MIPOL1: variants seen among roughly 807,000 people sequenced by gnomAD.
MIPOL1 encodes the protein mirror-image polydactyly 1.
A neutral mutation model predicts 60.9 loss-of-function variants in MIPOL1; 57 were observed. The ratio of observed to expected loss-of-function variants is 0.94; its 90% CI spans 0.76 to 1.17. The LOEUF (loss-of-function observed/expected upper bound fraction) is 1.17. MIPOL1 is among the 50% of genes most tolerant of loss of function. The probability of loss-of-function intolerance (pLI) is 0.00; values close to 1 mark genes in which losing one functional copy is unlikely to be tolerated. For missense variants in MIPOL1, 551 were observed against 511.6 expected, an observed-to-expected ratio of 1.08 and a Z score of -0.74; for synonymous variants, 179 against 168.8, an observed-to-expected ratio of 1.06 and a Z score of -0.47.
chr14:37,279,867 G>A (rs1487924718), intron 6 of MIPOL1, among the ~76,000 whole-genome samples: 1 of 152,036 alleles, frequency 6.6e-6, no homozygotes, highest in East Asian at 1.9e-4. Context: ...ACCTTGATGT[G>A]TAATAGATCA....
At chr14:37,325,400 ATTTC>A (rs2153449867) in intron 9 of MIPOL1, among the ~76,000 whole-genome samples, 1 of 152,106 alleles carries the variant, frequency 6.6e-6, no homozygotes, top group East Asian at 1.9e-4. Context: ...AATTCACTTT[ATTTC>A]TTTATGTAGG....
chr14:37,342,608 G>A (rs1361235802), intron 9 of MIPOL1, among the ~76,000 whole-genome samples: 1 of 151,974 alleles, frequency 6.6e-6, no homozygotes, highest in Non-Finnish European at 1.5e-5. Context: ...ATGTTGGTCA[G>A]GCTGGTCTCG....
intron 10 of MIPOL1, among the ~76,000 whole-genome samples, chr14:37,390,468 C>G (rs1008328409): frequency 4.6e-5 from 7 of 151,714 alleles, no homozygotes; most frequent in African/African-American, 1.7e-4. Flanking sequence ...GTTGTATAAA[C>G]TGACTTAAAG....
intron 9 of MIPOL1, among the ~76,000 whole-genome samples, chr14:37,337,760 C>A (rs1723731729): frequency 1.3e-5 from 2 of 151,928 alleles, no homozygotes; most frequent in Non-Finnish European, 2.9e-5. Flanking sequence ...TGTAAGAGTT[C>A]TTTATATATT....
chr14:37,342,132 C>T (rs912182931), intron 9 of MIPOL1, among the ~76,000 whole-genome samples: 1 of 151,920 alleles, frequency 6.6e-6, no homozygotes, highest in Non-Finnish European at 1.5e-5. Context: ...GAGGCCAAGG[C>T]GGGTGAATCA....
chr14:37,287,691 A>G (rs1486199044), intron 7 of MIPOL1, among the ~76,000 whole-genome samples: 7 of 152,236 alleles, frequency 4.6e-5, no homozygotes, highest in Non-Finnish European at 1.0e-4. Context: ...TCAATAAGCT[A>G]TATTAATTTT....
chr14:37,494,195 A>G (rs2095084910), intron 11 of MIPOL1, among the ~76,000 whole-genome samples: 1 of 152,192 alleles, frequency 6.6e-6, no homozygotes, highest in Admixed American at 6.6e-5. Flanking sequence ...GAAGTTCTTA[A>G]GGAATGTATT....
chr14:37,374,168 G>T (rs188741958), intron 10 of MIPOL1, among the ~76,000 whole-genome samples: 242 of 152,208 alleles, frequency 1.6e-3, no homozygotes, highest in Admixed American at 2.4e-3. Flanking sequence ...TTTGTTGGCT[G>T]CATAAATGTC....
At chr14:37,544,089 CTA>C (rs1336872946) in intron 12 of MIPOL1, among the ~76,000 whole-genome samples, 2 of 152,040 alleles carry the variant, frequency 1.3e-5, no homozygotes, top group Non-Finnish European at 2.9e-5. Flanking sequence ...ATAAGTGAGT[CTA>C]AAACTCAGAA....
chr14:37,410,796 G>A (rs912927785), intron 10 of MIPOL1, among the ~76,000 whole-genome samples: 8 of 151,852 alleles, frequency 5.3e-5, no homozygotes, highest in African/African-American at 1.9e-4. Context: ...TAATTTCTGA[G>A]GTAACCGTTA....
At chr14:37,420,370 A>C (rs2093850266) in intron 10 of MIPOL1, among the ~76,000 whole-genome samples, 1 of 152,084 alleles carries the variant, frequency 6.6e-6, no homozygotes, top group African/African-American at 2.4e-5. Context: ...GCAAGTATAC[A>C]CGTAAATGAA....
intron 10 of MIPOL1, among the ~76,000 whole-genome samples, chr14:37,372,418 CATTTA>C: frequency 6.6e-6 from 1 of 151,998 alleles, no homozygotes; most frequent in African/African-American, 2.4e-5. Context: ...TTTTGGTGAT[CATTTA>C]TAAGCATTCT....
intron 11 of MIPOL1, among the ~76,000 whole-genome samples, chr14:37,430,001 C>T (rs1410269176): frequency 2.6e-5 from 4 of 152,086 alleles, no homozygotes; most frequent in Non-Finnish European, 5.9e-5. Flanking sequence ...TGGGGTTGAA[C>T]ACTCAATCCT....
rs987004910 is a variant in MIPOL1 at position 37,548,276 on chromosome 14, A to G, written c.*1305A>G. ...TTATTGTACCATTCTTTCATATACC[A>G]TAGCAGATTATCCATTTCAATTTTT... On this transcript the variant is annotated 3_prime_UTR_variant, in exon 13 of 13. Coordinates refer to ENST00000684589, the MANE Select transcript of MIPOL1 (RefSeq NM_001388067.1). 2.0e-5 allele frequency: 3 copies of G among 152,070 alleles called. No homozygotes were observed. The highest frequency in any genetic ancestry group is 7.2e-5 in the African/African-American group (3 of 41,452). The allele number at this position is 152,070 out of a possible 1,614,324, so 9.4% of individuals were successfully genotyped here.
rs1436133259 is a variant in MIPOL1 at position 37,546,952 on chromosome 14, C to T, written c.1310C>T (p.Thr437Ile). The T allele has an allele frequency of 1.9e-6, 3 of 1,613,418 alleles. No individual in the cohort carries two copies. The African/African-American group carries it at 4.0e-5, about 22-fold the overall frequency. Residue 437 changes from threonine to isoleucine, a missense_variant, in exon 13 of 13, where the codon ACC (threonine) becomes ATC (isoleucine). Transcript: ENST00000684589. ...CTGAGGAAGAAGGTTGGAACCGGGACCATGAGGACAGTGATCTGATTGAAA... is the reference window on the plus strand; with the variant it reads ...CTGAGGAAGAAGGTTGGAACCGGGATCATGAGGACAGTGATCTGATTGAAA... ...DVLRKKVGTGTMRTVI is the reference protein window; with the variant it reads ...DVLRKKVGTGIMRTVI
chr14:37,539,188 G>C (rs1003221279), intron 12 of MIPOL1, among the ~76,000 whole-genome samples: 3 of 151,392 alleles, frequency 2.0e-5, no homozygotes, highest in African/African-American at 4.9e-5. Flanking sequence ...GGTGACAGAG[G>C]GAGACTCCGT....
intron 1 of MIPOL1, among the ~76,000 whole-genome samples, chr14:37,224,156 G>A (rs1969302175): frequency 6.6e-6 from 1 of 152,130 alleles, no homozygotes; most frequent in African/African-American, 2.4e-5. Context: ...GTTATAGGAA[G>A]TGACTGAGTG....
chr14:37,429,455 G>A (rs557777440), intron 11 of MIPOL1, among the ~76,000 whole-genome samples: 1 of 152,012 alleles, frequency 6.6e-6, no homozygotes, highest in Non-Finnish European at 1.5e-5. Context: ...TCAGAATATG[G>A]TAAAGTTGAC....
chr14:37,499,250 T>A (rs114943152), intron 11 of MIPOL1, among the ~76,000 whole-genome samples: 81 of 152,304 alleles, frequency 5.3e-4, no homozygotes, highest in African/African-American at 1.9e-3. Context: ...CATTTTCTTC[T>A]GCATTCATTT....
Sources: allele counts gnomAD v4.1 joint callset (sites outside exome capture counted in the v4.1 genomes callset), GRCh38; gene constraint gnomAD v4.1.1; transcripts MANE v1.5; gene names NCBI Gene and HGNC (gene_info 2026-07-23, HGNC 2026-07-21).